NCOR2: variants seen among roughly 807,000 people sequenced by gnomAD.
The protein encoded by NCOR2 is nuclear receptor corepressor 2.
In NCOR2, 81 loss-of-function variants were observed where a neutral mutation model predicts 262.9. The observed-to-expected ratio is 0.31, with a 90% CI of 0.26 to 0.37. NCOR2 has a LOEUF of 0.37. NCOR2 is among the 10% of genes least tolerant of loss of function. The pLI, the probability that NCOR2 is intolerant of heterozygous loss-of-function variation, is 1.00. For synonymous variants in NCOR2, 1,659 were observed against 1,559.3 expected (o/e 1.06, Z -1.51); for missense variants, 3,385 against 3,621.4 (o/e 0.93, Z 1.68).
intron 13 of NCOR2, among the ~76,000 whole-genome samples, chr12:124,406,023 C>T (rs978915716): frequency 3.9e-5 from 6 of 152,300 alleles, no homozygotes; most frequent in East Asian, 1.9e-4. Context: ...AATCTCTGGG[C>T]GGAGACCCAG....
chr12:124,466,858 G>A (rs753553214), intron 4 of NCOR2, among the ~76,000 whole-genome samples: 7 of 151,970 alleles, frequency 4.6e-5, no homozygotes, highest in Non-Finnish European at 7.4e-5. Flanking sequence ...GGATAAAAGA[G>A]TTACTACTCT....
chr12:124,395,338 G>A (rs923586917), intron 16 of NCOR2, among the ~76,000 whole-genome samples: 3 of 143,150 alleles, frequency 2.1e-5, no homozygotes, highest in Non-Finnish European at 4.6e-5. Flanking sequence ...CCCCACCCCC[G>A]CTCCCTCCTG....
chr12:124,385,931 A>G (rs755304382), intron 16 of NCOR2, 44 bp from the exon 19 acceptor site: 7 of 1,595,416 alleles, frequency 4.4e-6, no homozygotes, highest in Non-Finnish European at 5.1e-6. Context: ...CAGGCCCGGC[A>G]CGCAGAGGGG....
intron 7 of NCOR2, among the ~76,000 whole-genome samples, chr12:124,442,049 G>A (rs568105427): frequency 1.3e-5 from 2 of 152,352 alleles, no homozygotes; most frequent in South Asian, 2.1e-4. Context: ...GAAAACAGAC[G>A]TTGGCGGAGA....
chr12:124,460,702 AAACTGAGGCTCGG>A (rs975872792), intron 5 of NCOR2, among the ~76,000 whole-genome samples: 5 of 152,180 alleles, frequency 3.3e-5, no homozygotes. Flanking sequence ...ACAGATGGGG[AAACTGAGGCTCGG>A]AGAGGACACT....
chr12:124,405,361 G>C (rs1292934986), intron 13 of NCOR2, among the ~76,000 whole-genome samples: 1 of 152,190 alleles, frequency 6.6e-6, no homozygotes, highest in Non-Finnish European at 1.5e-5. Context: ...CCCAGGGCAG[G>C]GGTGCCTTCC....
At chr12:124,470,611 T>C (rs1038462691) in intron 4 of NCOR2, among the ~76,000 whole-genome samples, 2 of 152,214 alleles carry the variant, frequency 1.3e-5, no homozygotes, top group Admixed American at 6.5e-5. Context: ...TGTGATGCCC[T>C]ATATAGGAAA....
intron 1 of NCOR2, among the ~76,000 whole-genome samples, chr12:124,557,431 G>A (rs919141156): frequency 2.0e-5 from 3 of 152,178 alleles, no homozygotes; most frequent in Non-Finnish European, 4.4e-5. Flanking sequence ...CATCGCTCCA[G>A]CCTCTGCCTC....
rs1351613697 is a variant in NCOR2 at position 124,371,598 on chromosome 12, GGC to G, written c.2807+422_2807+423del. Among the ~76,000 whole-genome samples the G allele has an allele frequency of 2.0e-5, 3 of 152,232 alleles. No homozygotes were observed. The East Asian group carries it at 5.8e-4, about 29-fold the overall frequency. Reference sequence around the variant, plus strand: ...CCAGCAGCGGCCAGGAGCTGGAAGAGGCGGGATGGATCTGCCCAGAGGCTCGG... The same window carrying G: ...CCAGCAGCGGCCAGGAGCTGGAAGAGGGGATGGATCTGCCCAGAGGCTCGG... On this transcript the variant is annotated intron_variant, in intron 20 of 46. Coordinates refer to ENST00000405201, the Ensembl canonical transcript of NCOR2.
chr12:124,347,796 C>G, intron 30 of NCOR2, 29 bp downstream of exon 32: 1 of 1,552,154 alleles, frequency 6.4e-7, no homozygotes, highest in Non-Finnish European at 8.7e-7. Flanking sequence ...CCGTTGGGGG[C>G]AACGAGGGAG....
chr12:124,528,132 C>T (rs2050583155), intron 1 of NCOR2, among the ~76,000 whole-genome samples: 1 of 152,140 alleles, frequency 6.6e-6, no homozygotes, highest in Non-Finnish European at 1.5e-5. Flanking sequence ...GGGACCCCAC[C>T]ACCACCTCCA....
chr12:124,371,919 C>G lies in NCOR2; in HGVS notation c.2807+103G>C, dbSNP rs971450638. Reference sequence around the variant, plus strand: ...TCCCTAACCACACCTCGGGCTCCCCCAAAGCAGGCAGAGCCAGACTGGGTG... The same window carrying G: ...TCCCTAACCACACCTCGGGCTCCCCGAAAGCAGGCAGAGCCAGACTGGGTG... On this transcript the variant is annotated intron_variant, in intron 20 of 46. Coordinates refer to ENST00000405201, the Ensembl canonical transcript of NCOR2. 7 of 1,238,128 alleles carry G rather than the reference C, an allele frequency of 5.7e-6. No homozygotes were observed. In the African/African-American group the frequency reaches 9.2e-5, roughly 16 times the overall value. The allele number at this position is 1,238,128 out of a possible 1,614,324, so 76.7% of individuals were successfully genotyped here. A position where few individuals can be genotyped will look rare whatever the true frequency, so the allele number is the denominator to read the frequency against.
chr12:124,367,885 T>C (rs753130056), intron 20 of NCOR2, among the ~76,000 whole-genome samples: 12 of 152,224 alleles, frequency 7.9e-5, no homozygotes, highest in Non-Finnish European at 1.8e-4. Context: ...CCACCCACCT[T>C]GGCTTCCCAA....
At chr12:124,467,964 A>C (rs1479069194) in intron 4 of NCOR2, among the ~76,000 whole-genome samples, 1 of 410 alleles carries the variant, frequency 2.4e-3, no homozygotes, top group Non-Finnish European at 3.6e-3. Flanking sequence ...CATCCTCATC[A>C]CCCCCTCATC....
At chr12:124,520,628 A>T (rs948714882) in intron 1 of NCOR2, among the ~76,000 whole-genome samples, 1 of 152,142 alleles carries the variant, frequency 6.6e-6, no homozygotes, top group African/African-American at 2.4e-5. Flanking sequence ...TGAGTGACTT[A>T]ATGAAGACCA....
intron 42 of NCOR2, among the ~76,000 whole-genome samples, 159 bp from the exon 45 acceptor site, chr12:124,332,626 G>A (rs2035300588): frequency 6.6e-6 from 1 of 152,132 alleles, no homozygotes; most frequent in African/African-American, 2.4e-5. Context: ...CACGGCTCCT[G>A]AAATCTCCTC....
At chr12:124,521,134 G>A (rs926140901) in intron 1 of NCOR2, among the ~76,000 whole-genome samples, 1 of 152,218 alleles carries the variant, frequency 6.6e-6, no homozygotes, top group African/African-American at 2.4e-5. Flanking sequence ...AGAACTCTGA[G>A]GACCAGATCC....
Position 124,549,456 on chromosome 12 carries a change from G to A in NCOR2, c.-164-13845C>T, listed in dbSNP as rs1453595115. Reference sequence around the variant, plus strand: ...CTGAGCTGGCTCCTTGGGGGCCTGGGGAGGAAGGCAACTGAGCCCCCTGCA... The same window carrying A: ...CTGAGCTGGCTCCTTGGGGGCCTGGAGAGGAAGGCAACTGAGCCCCCTGCA... On this transcript the variant is annotated intron_variant, in intron 1 of 32. Coordinates refer to the NCOR2 transcript ENST00000458234. The surrounding 1 kb of genome is among the most constrained non-coding windows in gnomAD (Gnocchi z 4.4). 6.6e-6 allele frequency among the ~76,000 whole-genome samples: 1 copy of A among 152,116 alleles called. No individual in the cohort carries two copies. The highest frequency in any genetic ancestry group is 1.5e-5 in the Non-Finnish European group (1 of 68,000).
intron 11 of NCOR2, among the ~76,000 whole-genome samples, chr12:124,425,146 G>A (rs1004917506): frequency 6.6e-6 from 1 of 152,164 alleles, no homozygotes; most frequent in Non-Finnish European, 1.5e-5. Flanking sequence ...AGGCCGAGAC[G>A]GGCGGATCAC....
Sources: allele counts gnomAD v4.1 joint callset (sites outside exome capture counted in the v4.1 genomes callset), GRCh38; gene constraint gnomAD v4.1.1; non-coding constraint Gnocchi (gnomAD v3.1); transcripts MANE v1.5; gene names NCBI Gene and HGNC (gene_info 2026-07-23, HGNC 2026-07-21).